POFUT3: variants seen among roughly 807,000 people sequenced by gnomAD.
The protein encoded by POFUT3 is protein O-fucosyltransferase 3.
At chr8:33,436,308 C>G in the POFUT3 span, 3 of 1,334,488 alleles carry the variant, frequency 2.2e-6, no homozygotes, top group Non-Finnish European at 2.1e-6. Context: ...GTTATCAAGG[C>G]CCTTGATGGT....
the POFUT3 span, among the ~76,000 whole-genome samples, chr8:33,349,472 T>C: frequency 1.3e-5 from 2 of 152,138 alleles, no homozygotes; most frequent in East Asian, 3.9e-4. Flanking sequence ...GTCCATTGTA[T>C]CATTCTTATG....
chr8:33,330,828 G>C, the POFUT3 span, among the ~76,000 whole-genome samples: 1 of 151,944 alleles, frequency 6.6e-6, no homozygotes, highest in African/African-American at 2.4e-5. Context: ...CTTCCCAGGC[G>C]TGCCATGGTG....
At chr8:33,446,916 G>A in the POFUT3 span, among the ~76,000 whole-genome samples, 1 of 152,088 alleles carries the variant, frequency 6.6e-6, no homozygotes, top group African/African-American at 2.4e-5. Context: ...CTCCCTCCTG[G>A]GTGTGCCTCT....
At chr8:33,462,272 GCT>G in the POFUT3 span, among the ~76,000 whole-genome samples, 1 of 151,856 alleles carries the variant, frequency 6.6e-6, no homozygotes, top group East Asian at 1.9e-4. Context: ...TCCACTTAAT[GCT>G]CTCTGCCATC....
the POFUT3 span, among the ~76,000 whole-genome samples, chr8:33,417,879 C>G: frequency 6.6e-6 from 1 of 152,150 alleles, no homozygotes; most frequent in Non-Finnish European, 1.5e-5. Context: ...CTCCCCAGTG[C>G]AAGGAAGGAG....
chr8:33,348,126 C>T, the POFUT3 span, among the ~76,000 whole-genome samples: 73 of 147,862 alleles, frequency 4.9e-4, no homozygotes, highest in African/African-American at 1.7e-3. Context: ...TGCAGTGAGC[C>T]GAGATCTGCT....
At chr8:33,329,273 G>C in the POFUT3 span, among the ~76,000 whole-genome samples, 9 of 152,312 alleles carry the variant, frequency 5.9e-5, no homozygotes, top group Non-Finnish European at 7.4e-5. Flanking sequence ...TATTGCTATT[G>C]ATTGGGCATA....
the POFUT3 span, among the ~76,000 whole-genome samples, chr8:33,355,863 T>A: frequency 9.9e-5 from 15 of 152,256 alleles, no homozygotes; most frequent in East Asian, 2.9e-3. Flanking sequence ...GATGTTCCCC[T>A]TTCTGTGTCC....
the POFUT3 span, among the ~76,000 whole-genome samples, chr8:33,342,924 G>A: frequency 5.9e-5 from 9 of 152,070 alleles, no homozygotes; most frequent in Non-Finnish European, 7.4e-5. Flanking sequence ...TGGCCAACAC[G>A]GTGAAACTCC....
chr8:33,441,282 G>C, the POFUT3 span, among the ~76,000 whole-genome samples: 273 of 141,072 alleles, frequency 1.9e-3, 2 homozygotes, highest in Admixed American at 4.6e-3. Context: ...AGTGAGCCGA[G>C]ATCATGCCAC....
the POFUT3 span, among the ~76,000 whole-genome samples, chr8:33,379,240 T>G: frequency 6.6e-6 from 1 of 151,984 alleles, no homozygotes; most frequent in Non-Finnish European, 1.5e-5. Flanking sequence ...TCTTGGTTGG[T>G]TCTTTATAAG....
At chr8:33,426,893 C>T in the POFUT3 span, among the ~76,000 whole-genome samples, 1,710 of 152,314 alleles carry the variant, frequency 0.011, 42 homozygotes, top group African/African-American at 0.039. Context: ...CAGCCCCACT[C>T]AGGGCTCACA....
At chr8:33,429,599 G>A in the POFUT3 span, among the ~76,000 whole-genome samples, 4 of 152,096 alleles carry the variant, frequency 2.6e-5, no homozygotes, top group African/African-American at 9.7e-5. Context: ...GATGGAGGAA[G>A]GGGAGGAAGA....
the POFUT3 span, among the ~76,000 whole-genome samples, chr8:33,449,578 C>A: frequency 2.0e-5 from 3 of 151,838 alleles, no homozygotes; most frequent in African/African-American, 4.8e-5. Context: ...GCGTGAGCCG[C>A]CGCGTCTGGC....
chr8:33,465,832 A>C, the POFUT3 span, among the ~76,000 whole-genome samples: 1 of 152,168 alleles, frequency 6.6e-6, no homozygotes, highest in African/African-American at 2.4e-5. Flanking sequence ...CACTCAACTC[A>C]AAGATGTGTG....
the POFUT3 span, among the ~76,000 whole-genome samples, chr8:33,439,259 C>T: frequency 6.6e-5 from 10 of 152,020 alleles, no homozygotes; most frequent in Admixed American, 4.6e-4. Context: ...AAAAATTAGC[C>T]GGGCATGGTG....
At chr8:33,421,582 G>A in the POFUT3 span, among the ~76,000 whole-genome samples, 1 of 150,266 alleles carries the variant, frequency 6.7e-6, no homozygotes, top group Non-Finnish European at 1.5e-5. Flanking sequence ...TTATTCGCTT[G>A]AGGGAAAGAA....
chr8:33,397,381 G>A, the POFUT3 span, among the ~76,000 whole-genome samples: 1 of 152,258 alleles, frequency 6.6e-6, no homozygotes, highest in South Asian at 2.1e-4. Context: ...TGAGTTAACC[G>A]GGCAAGAACT....
the POFUT3 span, among the ~76,000 whole-genome samples, chr8:33,403,301 T>G: frequency 1.3e-5 from 2 of 151,626 alleles, no homozygotes; most frequent in Admixed American, 1.3e-4. Flanking sequence ...TGAGAGACAG[T>G]GTGTGGACTG....
Sources: gnomAD v4.1 joint callset for allele counts (sites outside exome capture counted in the v4.1 genomes callset) on GRCh38, gnomAD v4.1.1 for gene constraint, MANE v1.5 for transcripts, NCBI Gene and HGNC (gene_info 2026-07-23, HGNC 2026-07-21) for gene names.